The following ROBO3 variants were observed in gnomAD, a reference collection of about 807,000 sequenced individuals.
ROBO3 encodes the protein roundabout guidance receptor 3.
Under a neutral mutation model 160.5 loss-of-function variants are expected in ROBO3, and 97 were observed. The ratio of observed to expected loss-of-function variants is 0.60; its 90% CI spans 0.51 to 0.72. The LOEUF (loss-of-function observed/expected upper bound fraction) is 0.72, where lower values mean the gene tolerates loss of function less well. Among genes scored for constraint, ROBO3 ranks in the 30% least tolerant of loss-of-function variants. The pLI is 0.00. For missense variants in ROBO3, 1,858 were observed against 1,846.5 expected (o/e 1.01, Z -0.11); for synonymous variants, 780 against 746.2 (o/e 1.05, Z -0.74).
rs946625266 is a variant in ROBO3 at position 124,879,656 on chromosome 11, G to A, written c.3796+81G>A. On this transcript the variant is annotated intron_variant, in intron 25 of 27. Transcript: ENST00000397801. ...AAACCAAGGGTGCACTCTGGGGGCT[G>A]GAGGAGGGAACAGGTGAACCCCAAT... 18 of 1,524,778 alleles carry A rather than the reference G, an allele frequency of 1.2e-5. No individual in the cohort carries two copies. The African/African-American group carries it at 1.2e-4, about 10-fold the overall frequency. The allele number at this position is 1,524,778 out of a possible 1,614,324, so 94.5% of individuals were successfully genotyped here.
In ROBO3 at chr11:124,869,363, C is replaced by T. The variant is rs1946247405; in HGVS notation, c.488-87C>T. On this transcript the variant is annotated intron_variant, in intron 2 of 27. Transcript: ENST00000397801. This position sits in a 1 kb window ranked among gnomAD's most constrained non-coding sequence, Gnocchi z 4.2. ...GAATTCCAGTCTGCAGCGATCAACCCCTTCCCAAGACAACACTTTCCCTGT... is the reference window on the plus strand; with the variant it reads ...GAATTCCAGTCTGCAGCGATCAACCTCTTCCCAAGACAACACTTTCCCTGT... 7.7e-7 allele frequency: 1 copy of T among 1,297,090 alleles called. No individual in the cohort carries two copies. Among genetic ancestry groups the T allele is most frequent in the Non-Finnish European group, 1.1e-6 (1 of 917,360 alleles). The allele number at this position is 1,297,090 out of a possible 1,614,324, so 80.3% of individuals were successfully genotyped here.
intron 7 of ROBO3, among the ~76,000 whole-genome samples, chr11:124,871,428 T>C (rs1051415312): frequency 3.3e-5 from 5 of 152,234 alleles, no homozygotes; most frequent in African/African-American, 1.2e-4. Context: ...ATCCTGAGGA[T>C]GTAACAAATT....
At position 124,869,639 on chromosome 11, in the gene ROBO3, C is replaced by A. The variant is rs556236489; in HGVS notation, c.645+32C>A. 12 of 1,533,832 alleles carry A rather than the reference C, an allele frequency of 7.8e-6. No homozygotes were observed. In the African/African-American group the frequency reaches 1.1e-4, roughly 14 times the overall value. On this transcript the variant is annotated intron_variant, in intron 3 of 27. Transcript: ENST00000397801. The surrounding 1 kb of genome is among the most constrained non-coding windows in gnomAD (Gnocchi z 4.2). ...GCGGGATTATGATTGGAGACCCCAA[C>A]AAGGGAGGGGACATAGGGTAGGGAG...
Position 124,878,373 on chromosome 11 carries a change from C to T in ROBO3, c.3257C>T (p.Pro1086Leu), listed in dbSNP as rs1946459189. 2 of 1,613,866 alleles carry T rather than the reference C, an allele frequency of 1.2e-6. No homozygotes were observed. The highest frequency in any genetic ancestry group is 2.2e-5 in the South Asian group (2 of 91,078). The part of the protein sequence containing the change: ...MPSLNWPEAL[P>L]PPPPSCELSC... ...TCTCTGAACTGGCCAGAAGCCCTGC[C>T]CCCACCTCCTCCTTCTTGTGAACTG... Residue 1086 changes from proline (P) to leucine (L), a missense_variant, in exon 22 of 28, where the codon CCC becomes CTC. Physicochemically the swap from Pro to Leu is moderately conservative, Grantham distance 98. Transcript: ENST00000397801. The surrounding 1 kb of genome is among the most constrained non-coding windows in gnomAD (Gnocchi z 4.3).
chr11:124,867,734 C>T lies in ROBO3; in HGVS notation c.161-1068C>T, dbSNP rs999426629. ...AGGAAATGAAACCCAATCTCACAGG[C>T]GGGCTGGAAGCGGGAGGTTCCTGCA... On this transcript the variant is annotated intron_variant, in intron 1 of 27. Coordinates refer to ENST00000397801, the MANE Select transcript of ROBO3 (RefSeq NM_022370.4). 6.5e-5 allele frequency among the ~76,000 whole-genome samples: 8 copies of T among 122,738 alleles called. No individual in the cohort carries two copies. The East Asian group carries it at 1.0e-3, about 16-fold the overall frequency. 80.5% of individuals were successfully genotyped at this position (122,738 alleles called of 152,430 possible). A position where few individuals can be genotyped will look rare whatever the true frequency, so the allele number is the denominator to read the frequency against.
chr11:124,872,266 G>A lies in ROBO3; in HGVS notation c.1159-115G>A. On this transcript the variant is annotated intron_variant, in intron 7 of 27. Transcript: ENST00000397801. The surrounding 1 kb of genome is among the most constrained non-coding windows in gnomAD (Gnocchi z 4.3). ...CAAGTTCACATCACTGCTGGAGACA[G>A]ACGATGAACTAGAATCATAGGAATT... The A allele has an allele frequency of 1.0e-6, 1 of 972,276 alleles. No individual in the cohort carries two copies. Among genetic ancestry groups the A allele is most frequent in the Non-Finnish European group, 1.6e-6 (1 of 607,024 alleles). The allele number at this position is 972,276 out of a possible 1,614,324, so 60.2% of individuals were successfully genotyped here.
rs978502049 is a variant in ROBO3 at position 124,865,859 on chromosome 11, C to T, written c.160+122C>T. ...CGGGATTGAGTGGCGCCTCCCAGCG[C>T]CTCCCTGGGTCGTGGGGTCTAAGGG... On this transcript the variant is annotated intron_variant, in intron 1 of 27. Coordinates refer to ENST00000397801, the MANE Select transcript of ROBO3 (RefSeq NM_022370.4). The surrounding 1 kb of genome is among the most constrained non-coding windows in gnomAD (Gnocchi z 5.5). 3 of 1,154,054 alleles carry T rather than the reference C, an allele frequency of 2.6e-6. No homozygotes were observed. The highest frequency in any genetic ancestry group is 3.6e-6 in the Non-Finnish European group (3 of 835,336). The allele number at this position is 1,154,054 out of a possible 1,614,324, so 71.5% of individuals were successfully genotyped here.
chr11:124,881,333 G>T lies in ROBO3; in HGVS notation c.*83G>T. On this transcript the variant is annotated 3_prime_UTR_variant, in exon 28 of 28. Coordinates refer to ENST00000397801, the MANE Select transcript of ROBO3 (RefSeq NM_022370.4). ...CTTTTCCCCCCCAGCAGTGATGAGT[G>T]GGGCTAGCTGAAGCCCATTGGTTTC... The T allele has an allele frequency of 1.5e-6, 2 of 1,378,394 alleles. No homozygotes were observed. Among genetic ancestry groups the T allele is most frequent in the South Asian group, 1.2e-5 (1 of 80,540 alleles). The allele number at this position is 1,378,394 out of a possible 1,614,324, so 85.4% of individuals were successfully genotyped here.
chr11:124,880,746 G>GCCCC, intron 27 of ROBO3, 138 bp downstream of exon 27: 2 of 947,308 alleles, frequency 2.1e-6, no homozygotes, highest in Non-Finnish European at 3.0e-6. Context: ...GAGGGGGAGG[G>GCCCC]AGGAATCCTG....
rs1163063653 is a variant in ROBO3 at position 124,880,538 on chromosome 11, G to A, written c.4079G>A (p.Gly1360Asp). The change falls in exon 27 of 28, where the codon GGC (glycine) becomes GAC (aspartate). Residue 1360 changes from glycine (G) to aspartate (D), a missense_variant. By Grantham distance (94) the Gly-to-Asp change is moderately conservative. Coordinates refer to ENST00000397801, the MANE Select transcript of ROBO3 (RefSeq NM_022370.4). ...RGSSSSRGSR[G>D]PGRSRSRSQS... is the part of the protein sequence containing the mutation. ...TCCAGCAGCTCTAGGGGCTCCCGGG[G>A]CCCTGGCCGGAGCCGGAGTCGGAGT... 6.4e-7 allele frequency: 1 copy of A among 1,551,236 alleles called. No individual in the cohort carries two copies. The highest frequency in any genetic ancestry group is 1.7e-4 in the Middle Eastern group (1 of 5,998).
rs1457768535 is a variant in ROBO3 at position 124,873,407 on chromosome 11, C to A, written c.1618+16C>A. 2.5e-6 allele frequency: 4 copies of A among 1,602,784 alleles called. No homozygotes were observed. Among genetic ancestry groups the A allele is most frequent in the East Asian group, 4.5e-5 (2 of 44,598 alleles). ...AAGATGCGGGGTGAGTTTTTTCTTTCTTCCCTTATTTTGATAATACCTTCC... is the reference window on the plus strand; with the variant it reads ...AAGATGCGGGGTGAGTTTTTTCTTTATTCCCTTATTTTGATAATACCTTCC... On this transcript the variant is annotated intron_variant, in intron 10 of 27. Coordinates refer to ENST00000397801, the MANE Select transcript of ROBO3 (RefSeq NM_022370.4). The surrounding 1 kb of genome is among the most constrained non-coding windows in gnomAD (Gnocchi z 4.5).
intron 19 of ROBO3, 93 bp downstream of exon 19, chr11:124,877,402 C>CA (rs928985704): frequency 1.3e-6 from 2 of 1,576,586 alleles, no homozygotes; most frequent in African/African-American, 2.7e-5. Context: ...GGAGCATGGC[C>CA]ACCTCCCACC....
At position 124,879,779 on chromosome 11, in the gene ROBO3, C is replaced by G. The variant is rs754987481; in HGVS notation, c.3797-8C>G. ...AGGAGGCTCCGCTGAAAACAGCTCCCTCCCCAGACTTGCCCCCACCACCCT... is the reference window on the plus strand; with the variant it reads ...AGGAGGCTCCGCTGAAAACAGCTCCGTCCCCAGACTTGCCCCCACCACCCT... On this transcript the variant is annotated splice_region_variant and splice_polypyrimidine_tract_variant and intron_variant, in intron 25 of 27. Coordinates refer to ENST00000397801, the MANE Select transcript of ROBO3 (RefSeq NM_022370.4). 6.2e-7 allele frequency: 1 copy of G among 1,613,404 alleles called. No individual in the cohort carries two copies. Among genetic ancestry groups the G allele is most frequent in the East Asian group, 2.2e-5 (1 of 44,854 alleles).
chr11:124,874,924 G>C lies in ROBO3; in HGVS notation c.2073+15G>C. ...TGTCCTGGACTGTGAGTGTGGTATG[G>C]GGAGGAGATTCAGGGTGGGGATGAT... On this transcript the variant is annotated intron_variant, in intron 13 of 27. Coordinates refer to ENST00000397801, the MANE Select transcript of ROBO3 (RefSeq NM_022370.4). 1 of 1,601,580 alleles carries C rather than the reference G, an allele frequency of 6.2e-7. No homozygotes were observed. Among genetic ancestry groups the C allele is most frequent in the Non-Finnish European group, 8.5e-7 (1 of 1,173,916 alleles).
chr11:124,881,244 A>G lies in ROBO3; in HGVS notation c.4155A>G (p.Pro1385=), dbSNP rs1248818174. The G allele has an allele frequency of 6.2e-7, 1 of 1,605,880 alleles. No homozygotes were observed. Among genetic ancestry groups the G allele is most frequent in the Non-Finnish European group, 8.5e-7 (1 of 1,176,076 alleles). Residue 1385 remains proline, a synonymous_variant, in exon 28 of 28, where the codon CCA becomes CCG. Transcript: ENST00000397801. ...QRPGQKRREE[P]R ...ATCTCTCTCTCTCTCCCTAGGAACC[A>G]AGATGACCCTTGTTGGGGCATTGAG...
chr11:124,877,893 T>C (rs769354574), intron 20 of ROBO3, 44 bp from the exon 21 acceptor site: 22 of 1,370,974 alleles, frequency 1.6e-5, no homozygotes, highest in African/African-American at 2.9e-5. Context: ...TTGTCCTCTA[T>C]GTTTCTGTCT....
Position 124,869,032 on chromosome 11 carries a change from G to C in ROBO3, c.391G>C (p.Gly131Arg), listed in dbSNP as rs777244046. The change falls in exon 2 of 28, where the codon GGG becomes CGG. Residue 131 changes from glycine to arginine, a missense_variant. Gly to Arg is a moderately radical substitution (Grantham distance 125). Transcript: ENST00000397801. This position sits in a 1 kb window ranked among gnomAD's most constrained non-coding sequence, Gnocchi z 4.2. ...GALFFPRIVH[G>R]RRARPDEGVY... The stretch of plus-strand genomic sequence containing the variant: ...CCTCTTCTTCCCGCGCATCGTGCAC[G>C]GGCGCCGCGCGCGGCCGGACGAAGG... The C allele has an allele frequency of 2.2e-5, 36 of 1,602,104 alleles. No homozygotes were observed. Among genetic ancestry groups the C allele is most frequent in the South Asian group, 1.5e-4 (13 of 89,226 alleles).
rs1664259003 is a variant in ROBO3, at chr11:124,865,992, GC to G, written c.160+258del. Among the ~76,000 whole-genome samples the G allele has an allele frequency of 6.6e-6, 1 of 152,128 alleles. No individual in the cohort carries two copies. Among genetic ancestry groups the G allele is most frequent in the Non-Finnish European group, 1.5e-5 (1 of 68,022 alleles). ...ACACCTCCTTCCCTTCCCCTACAAC[GC>G]CCACCCCAGGTGAGAAGAACCGTTG... On this transcript the variant is annotated intron_variant, in intron 1 of 27. Transcript: ENST00000397801. The surrounding 1 kb of genome is among the most constrained non-coding windows in gnomAD (Gnocchi z 5.5).
Position 124,878,819 on chromosome 11 carries a change from A to C in ROBO3, c.3533+23A>C. On this transcript the variant is annotated intron_variant, in intron 23 of 27. Transcript: ENST00000397801. This position sits in a 1 kb window ranked among gnomAD's most constrained non-coding sequence, Gnocchi z 4.3. ...CAGGTAGGGAGGTATATAGTACCTC[A>C]CTCATTGCAAGCCCTCTATACGTAT... is the stretch of plus-strand genomic sequence containing the variant. The C allele has an allele frequency of 5.8e-6, 9 of 1,550,620 alleles. No homozygotes were observed. The highest frequency in any genetic ancestry group is 8.0e-6 in the Non-Finnish European group (9 of 1,127,710).
Sources: gnomAD v4.1 joint callset for allele counts (sites outside exome capture counted in the v4.1 genomes callset) on GRCh38, gnomAD v4.1.1 for gene constraint, Gnocchi (gnomAD v3.1) non-coding constraint, MANE v1.5 for transcripts, NCBI Gene and HGNC (gene_info 2026-07-23, HGNC 2026-07-21) for gene names.